RIT2: variants seen among roughly 807,000 people sequenced by gnomAD.
RIT2 encodes GTP-binding protein Rit2.
A neutral mutation model predicts 23.7 loss-of-function variants in RIT2; 24 were observed. The ratio of observed to expected loss-of-function variants is 1.01; its 90% CI spans 0.73 to 1.43. RIT2 has a LOEUF of 1.43. Ranked by LOEUF, RIT2 falls within the 40% of genes most tolerant of loss-of-function variation. The pLI is 0.00. For synonymous variants in RIT2, 107 were observed against 91.1 expected (o/e 1.17, Z -0.99); for missense variants, 236 against 266.9 (o/e 0.88, Z 0.81).
At chr18:42,875,458 G>A (rs1051238904) in intron 4 of RIT2, among the ~76,000 whole-genome samples, 8 of 151,710 alleles carry the variant, frequency 5.3e-5, no homozygotes, top group Admixed American at 5.3e-4. Context: ...GTGTTGTGCT[G>A]TTGCTGATGT....
intron 4 of RIT2, chr18:42,920,599 A>G: frequency 1.3e-6 from 1 of 760,764 alleles, no homozygotes; most frequent in Non-Finnish European, 2.2e-6. Flanking sequence ...ATAATACACT[A>G]AAACTCGTTG....
At chr18:43,079,415 C>T (rs1913102709) in intron 1 of RIT2, among the ~76,000 whole-genome samples, 1 of 152,082 alleles carries the variant, frequency 6.6e-6, no homozygotes, top group Non-Finnish European at 1.5e-5. Context: ...TTTTTGTGGC[C>T]AGGTGACTGG....
At chr18:42,790,321 A>G (rs866249560) in intron 4 of RIT2, among the ~76,000 whole-genome samples, 2 of 152,238 alleles carry the variant, frequency 1.3e-5, no homozygotes, top group Non-Finnish European at 2.9e-5. Context: ...ATGGATCAAT[A>G]TGCATCTTTG....
intron 2 of RIT2, among the ~76,000 whole-genome samples, chr18:43,001,334 T>C (rs184861105): frequency 2.0e-5 from 3 of 151,922 alleles, no homozygotes; most frequent in African/African-American, 7.2e-5. Context: ...CTAGGGGACA[T>C]AAAACAAGAC....
rs1411852984 is a variant in RIT2 at position 42,908,249 on chromosome 18, C to A, written c.426+15323G>T. On this transcript the variant is annotated intron_variant, in intron 4 of 4. Transcript: ENST00000326695. ...AATAGAATTTACTCAATCTGAACAA[C>A]AAAGAGAAAATAGACTAAAAGAAAA... is the stretch of plus-strand genomic sequence containing the variant. Among the ~76,000 whole-genome samples, 4 of 150,782 alleles carry A rather than the reference C, an allele frequency of 2.7e-5. No homozygotes were observed. In the South Asian group the frequency reaches 8.3e-4, roughly 31 times the overall value.
At chr18:42,844,534 G>A (rs1400802637) in intron 4 of RIT2, among the ~76,000 whole-genome samples, 2 of 152,106 alleles carry the variant, frequency 1.3e-5, no homozygotes, top group African/African-American at 4.8e-5. Context: ...GGTCCTTCAT[G>A]AAGTCCAGCA....
At position 42,988,216 on chromosome 18, in the gene RIT2, T is replaced by TA. The variant is rs980402416; in HGVS notation, c.161-14070dup. ...TCGAGACAGAAAATATACTTTACTT[T>TA]AAAAAAAAAGTTTTAAAAAGAGAAT... On this transcript the variant is annotated intron_variant, in intron 2 of 4. Transcript: ENST00000326695. Among the ~76,000 whole-genome samples the TA allele has an allele frequency of 1.8e-4, 27 of 151,394 alleles. No homozygotes were observed. In the South Asian group the frequency reaches 2.9e-3, roughly 16 times the overall value.
chr18:42,931,892 G>C (rs781442936), intron 3 of RIT2, among the ~76,000 whole-genome samples: 12 of 152,000 alleles, frequency 7.9e-5, no homozygotes, highest in Admixed American at 4.6e-4. Context: ...TATCAGATAG[G>C]ATACTACTAT....
chr18:42,809,219 T>C (rs1905770906), intron 4 of RIT2, among the ~76,000 whole-genome samples: 1 of 152,050 alleles, frequency 6.6e-6, no homozygotes, highest in Non-Finnish European at 1.5e-5. Flanking sequence ...TCAGAGAAAA[T>C]CACAGCCAAA....
chr18:43,093,013 A>G (rs981060618), intron 1 of RIT2, among the ~76,000 whole-genome samples: 3 of 152,076 alleles, frequency 2.0e-5, no homozygotes, highest in Non-Finnish European at 2.9e-5. Context: ...TATAATTTCT[A>G]CACAATAGCT....
chr18:42,948,269 T>C lies in RIT2; in HGVS notation c.235-24506A>G, dbSNP rs1478891218. Among the ~76,000 whole-genome samples the C allele has an allele frequency of 2.6e-5, 4 of 152,198 alleles. No individual in the cohort carries two copies. In the East Asian group the frequency reaches 7.8e-4, roughly 30 times the overall value. On this transcript the variant is annotated intron_variant, in intron 3 of 4. Transcript: ENST00000326695. ...AATGTCCTGACATGTTGTTCAAATGTTCAAAGGTATTGGCAAACTGAGGTA... is the reference window on the plus strand; with the variant it reads ...AATGTCCTGACATGTTGTTCAAATGCTCAAAGGTATTGGCAAACTGAGGTA...
chr18:43,065,850 A>T (rs1379773882), intron 1 of RIT2, among the ~76,000 whole-genome samples: 1 of 152,172 alleles, frequency 6.6e-6, no homozygotes, highest in African/African-American at 2.4e-5. Flanking sequence ...TAGGTGGAAA[A>T]CTTCAGATAT....
chr18:43,094,801 ACATG>A (rs1913511541), intron 1 of RIT2, among the ~76,000 whole-genome samples: 1 of 152,116 alleles, frequency 6.6e-6, no homozygotes, highest in Non-Finnish European at 1.5e-5. Flanking sequence ...ATGAGTGAGA[ACATG>A]TGGTGTTTGG....
intron 4 of RIT2, among the ~76,000 whole-genome samples, chr18:42,886,586 C>T (rs1174787801): frequency 1.3e-5 from 2 of 152,156 alleles, no homozygotes; most frequent in Admixed American, 6.5e-5. Context: ...GTGAAGGTAA[C>T]TGGGCACATA....
At chr18:43,093,422 T>C (rs1913471763) in intron 1 of RIT2, among the ~76,000 whole-genome samples, 1 of 152,080 alleles carries the variant, frequency 6.6e-6, no homozygotes, top group African/African-American at 2.4e-5. Flanking sequence ...TTCAGCTACA[T>C]TTCAGGGAAA....
At chr18:43,075,989 G>A (rs1211828433) in intron 1 of RIT2, among the ~76,000 whole-genome samples, 1 of 152,114 alleles carries the variant, frequency 6.6e-6, no homozygotes, top group South Asian at 2.1e-4. Flanking sequence ...TTTTAACATA[G>A]GGAGCCATTT....
At chr18:42,767,301 C>T (rs1191472179) in intron 4 of RIT2, among the ~76,000 whole-genome samples, 2 of 152,198 alleles carry the variant, frequency 1.3e-5, no homozygotes, top group Non-Finnish European at 2.9e-5. Flanking sequence ...TGGGAACCCA[C>T]CTCTTGCATC....
intron 4 of RIT2, among the ~76,000 whole-genome samples, chr18:42,852,160 A>G (rs1907070635): frequency 6.6e-6 from 1 of 152,362 alleles, no homozygotes; most frequent in Middle Eastern, 3.4e-3. Context: ...AGCTATTAAA[A>G]TACAAAGTGT....
intron 1 of RIT2, among the ~76,000 whole-genome samples, chr18:43,075,573 T>A (rs1416622220): frequency 6.6e-6 from 1 of 152,240 alleles, no homozygotes; most frequent in Non-Finnish European, 1.5e-5. Context: ...AATTGAATTC[T>A]GTCTTAAAAC....
Sources: gnomAD v4.1 joint callset for allele counts (sites outside exome capture counted in the v4.1 genomes callset) on GRCh38, gnomAD v4.1.1 for gene constraint, MANE v1.5 for transcripts, NCBI Gene and HGNC (gene_info 2026-07-23, HGNC 2026-07-21) for gene names.